The following PPP4R4 variants were observed in gnomAD, a reference collection of about 807,000 sequenced individuals.
PPP4R4 encodes the protein protein phosphatase 4 regulatory subunit 4, also known as serine/threonine-protein phosphatase 4 regulatory subunit 4.
Under a neutral mutation model 121.8 loss-of-function variants are expected in PPP4R4, and 70 were observed. The ratio of observed to expected loss-of-function variants is 0.57; its 90% CI spans 0.47 to 0.70. The LOEUF is 0.70. Ranked by LOEUF, PPP4R4 falls within the 30% of genes least tolerant of loss-of-function variation. PPP4R4 has a pLI of 0.00. For missense variants in PPP4R4, 875 were observed against 1,033.6 expected (o/e 0.85, Z 2.10); for synonymous variants, 348 against 355.7 (o/e 0.98, Z 0.24).
chr14:94,255,435 A>G (rs1309613956), intron 16 of PPP4R4, among the ~76,000 whole-genome samples: 1 of 152,132 alleles, frequency 6.6e-6, no homozygotes, highest in Non-Finnish European at 1.5e-5. Context: ...TGTCTCTACT[A>G]AAAATACAAA....
chr14:94,238,016 G>A (rs960124718), intron 8 of PPP4R4, among the ~76,000 whole-genome samples: 5 of 152,218 alleles, frequency 3.3e-5, no homozygotes, highest in East Asian at 1.9e-4. Flanking sequence ...ATGCCACCTC[G>A]TAATCTGGCA....
At chr14:94,261,649 A>T (rs1893790723) in intron 19 of PPP4R4, among the ~76,000 whole-genome samples, 2 of 152,036 alleles carry the variant, frequency 1.3e-5, no homozygotes, top group Non-Finnish European at 1.5e-5. Flanking sequence ...TACTGATCTT[A>T]GGGGGAAACA....
chr14:94,242,674 G>A (rs1478516643), intron 11 of PPP4R4, among the ~76,000 whole-genome samples: 1 of 152,048 alleles, frequency 6.6e-6, no homozygotes, highest in Non-Finnish European at 1.5e-5. Context: ...AGACATTGTG[G>A]TAGATATGGG....
At chr14:94,235,385 G>GTT (rs1892280731) in intron 7 of PPP4R4, among the ~76,000 whole-genome samples, 1 of 77,592 alleles carries the variant, frequency 1.3e-5, no homozygotes, top group African/African-American at 5.3e-5. Context: ...TGCTCTCCTT[G>GTT]TTCTTTTTTT....
At chr14:94,217,701 A>G (rs1891101243) in intron 3 of PPP4R4, among the ~76,000 whole-genome samples, 1 of 152,218 alleles carries the variant, frequency 6.6e-6, no homozygotes, top group Non-Finnish European at 1.5e-5. Flanking sequence ...TCAAATGAAG[A>G]TGCTAGAAAT....
intron 2 of PPP4R4, among the ~76,000 whole-genome samples, chr14:94,182,646 A>T (rs1218414378): frequency 6.6e-6 from 1 of 152,228 alleles, no homozygotes; most frequent in Admixed American, 6.5e-5. Context: ...TTATGTGAAT[A>T]TACCACAATT....
At chr14:94,259,912 AG>A (rs1390025401) in intron 19 of PPP4R4, among the ~76,000 whole-genome samples, 1 of 152,192 alleles carries the variant, frequency 6.6e-6, no homozygotes, top group Non-Finnish European at 1.5e-5. Context: ...ATTTCTGAGT[AG>A]TAGTCTATAT....
intron 17 of PPP4R4, among the ~76,000 whole-genome samples, chr14:94,257,598 C>T (rs1189232604): frequency 7.3e-5 from 11 of 151,088 alleles, no homozygotes; most frequent in African/African-American, 2.7e-4. Flanking sequence ...CTTTCATTAA[C>T]TGGTATAACC....
At chr14:94,194,013 G>C (rs1254946405) in intron 2 of PPP4R4, among the ~76,000 whole-genome samples, 1 of 152,146 alleles carries the variant, frequency 6.6e-6, no homozygotes, top group Non-Finnish European at 1.5e-5. Flanking sequence ...CAGAAGCTGG[G>C]ACAACAAGAA....
intron 23 of PPP4R4, among the ~76,000 whole-genome samples, chr14:94,267,946 C>G (rs771927567): frequency 2.0e-5 from 3 of 152,112 alleles, no homozygotes; most frequent in Non-Finnish European, 2.9e-5. Context: ...GAAAATCTTT[C>G]TAGCATTAAA....
chr14:94,186,488 T>C (rs966318604), intron 2 of PPP4R4, among the ~76,000 whole-genome samples: 1 of 152,246 alleles, frequency 6.6e-6, no homozygotes. Context: ...ACACATCTTG[T>C]TTATCCATTC....
intron 9 of PPP4R4, 131 bp downstream of exon 9, chr14:94,240,926 C>T (rs1398384806): frequency 3.4e-6 from 4 of 1,177,806 alleles, no homozygotes; most frequent in Non-Finnish European, 4.4e-6. Context: ...CTTATGAGAT[C>T]TTAGAATTTT....
Position 94,274,619 on chromosome 14 carries a change from A to G in PPP4R4, c.2450-755A>G, listed in dbSNP as rs554780869. 8.9e-4 allele frequency among the ~76,000 whole-genome samples: 135 copies of G among 152,340 alleles called. 2 individuals are homozygous for G. Among genetic ancestry groups the G allele is most frequent in the South Asian group, 4.3e-3 (21 of 4,828 alleles). On this transcript the variant is annotated intron_variant, in intron 23 of 24. Transcript: ENST00000304338. ...CTTGCTAGAATGTCTAAAACTAGAA[A>G]GACTCACAATATCAAGTGTGTGTGA...
At chr14:94,231,181 G>T in intron 4 of PPP4R4, 61 bp from the exon 5 acceptor site, 1 of 1,302,234 alleles carries the variant, frequency 7.7e-7, no homozygotes, top group South Asian at 1.3e-5. Context: ...ATTAATGGCT[G>T]AGTTGAAACT....
chr14:94,240,183 G>A (rs1892553481), intron 8 of PPP4R4, among the ~76,000 whole-genome samples: 1 of 152,130 alleles, frequency 6.6e-6, no homozygotes, highest in Non-Finnish European at 1.5e-5. Context: ...CATCTAAGAA[G>A]TAAAAGTGAT....
intron 2 of PPP4R4, among the ~76,000 whole-genome samples, chr14:94,194,913 A>G (rs189906844): frequency 1.3e-5 from 2 of 152,354 alleles, no homozygotes; most frequent in Admixed American, 6.5e-5. Context: ...TTTGTCTGAT[A>G]CACAACCTTT....
intron 3 of PPP4R4, among the ~76,000 whole-genome samples, chr14:94,218,732 AC>A (rs1237089868): frequency 1.3e-5 from 1 of 78,418 alleles, no homozygotes; most frequent in East Asian, 4.5e-4. Flanking sequence ...TAGACACCGC[AC>A]GTGCGCGCGC....
In PPP4R4 at chr14:94,241,984, G is replaced by A. The variant is rs145683684; in HGVS notation, c.1146+27G>A. The stretch of plus-strand genomic sequence containing the variant: ...TAATAAATATGTATTTATATTTACT[G>A]AGGATTTTTATTATAACTTTAAAAT... On this transcript the variant is annotated intron_variant, in intron 10 of 24. Coordinates refer to ENST00000304338, the MANE Select transcript of PPP4R4 (RefSeq NM_058237.2). The A allele has an allele frequency of 4.6e-5, 71 of 1,543,472 alleles. No individual in the cohort carries two copies. In the African/African-American group the frequency reaches 8.8e-4, roughly 19 times the overall value.
chr14:94,229,886 A>G (rs968899097), intron 3 of PPP4R4, among the ~76,000 whole-genome samples: 14 of 152,152 alleles, frequency 9.2e-5, no homozygotes, highest in Admixed American at 7.9e-4. Flanking sequence ...GTACAGTAAT[A>G]TCTTTGAGGC....
Sources: gnomAD v4.1 joint callset for allele counts (sites outside exome capture counted in the v4.1 genomes callset) on GRCh38, gnomAD v4.1.1 for gene constraint, MANE v1.5 for transcripts, NCBI Gene and HGNC (gene_info 2026-07-23, HGNC 2026-07-21) for gene names.